AP3B2: variants seen among roughly 807,000 people sequenced by gnomAD.
AP3B2 encodes the protein adaptor related protein complex 3 subunit beta 2.
AP3B2 carries 50 observed loss-of-function variants against 126.9 expected under a neutral mutation model. The ratio of observed to expected loss-of-function variants is 0.39; its 90% CI spans 0.31 to 0.50. AP3B2 has a LOEUF of 0.50. Ranked by LOEUF, AP3B2 falls within the 20% of genes least tolerant of loss-of-function variation. AP3B2 has a pLI of 0.79. For synonymous variants in AP3B2, 541 were observed against 565.0 expected (o/e 0.96, Z 0.60); for missense variants, 1,177 against 1,426.4 (o/e 0.83, Z 2.82).
chr15:82,692,528 G>C (rs1392216910), intron 1 of AP3B2: 3 of 198,686 alleles, frequency 1.5e-5, no homozygotes, highest in Non-Finnish European at 3.0e-5. Context: ...CAAGAGGAAG[G>C]GTTTGGGGTG....
chr15:82,709,303 C>T (rs577489408), intron 1 of AP3B2, among the ~76,000 whole-genome samples: 1 of 152,310 alleles, frequency 6.6e-6, no homozygotes, highest in East Asian at 1.9e-4. Flanking sequence ...CGCCGCAAAC[C>T]GGAGAAACAC....
chr15:82,676,530 T>G lies in AP3B2; in HGVS notation c.1596A>C (p.Ala532=). 6.2e-7 allele frequency: 1 copy of G among 1,614,024 alleles called. No individual in the cohort carries two copies. The highest frequency in any genetic ancestry group is 1.1e-5 in the South Asian group (1 of 91,086). The change falls in exon 14 of 27, where the codon GCA becomes GCC. Residue 532 remains alanine, a synonymous_variant. Transcript: ENST00000535359. ...VLRKMAKSFT[A]EEDIVKLQVI... ...CCTGCAGCTTGACAATATCCTCCTCTGCTGTGAATGACTTGGCCATTTTTC... is the reference window on the plus strand; with the variant it reads ...CCTGCAGCTTGACAATATCCTCCTCGGCTGTGAATGACTTGGCCATTTTTC...
At chr15:82,672,811 C>T (rs1027839229) in intron 14 of AP3B2, among the ~76,000 whole-genome samples, 2 of 152,200 alleles carry the variant, frequency 1.3e-5, no homozygotes, top group Non-Finnish European at 2.9e-5. Flanking sequence ...GACTTTCTCC[C>T]TTGTGGCTTT....
intron 4 of AP3B2, among the ~76,000 whole-genome samples, chr15:82,682,509 T>A (rs2048356853): frequency 1.3e-5 from 2 of 152,154 alleles, no homozygotes; most frequent in Admixed American, 1.3e-4. Context: ...GTGGGTTTGA[T>A]TCTAGACCTC....
chr15:82,659,744 G>T (rs374163797), intron 26 of AP3B2, 34 bp from the exon 27 acceptor site: 2 of 1,611,722 alleles, frequency 1.2e-6, no homozygotes, highest in African/African-American at 2.7e-5. Flanking sequence ...AGGAAGAGCT[G>T]CTAAGGGTGA....
At chr15:82,699,294 G>A in intron 1 of AP3B2, 1 of 186,466 alleles carries the variant, frequency 5.4e-6, no homozygotes, top group Non-Finnish European at 1.1e-5. Context: ...GCCAAACCCT[G>A]TCTGTGCTGT....
At chr15:82,661,513 A>G (rs1324335326) in intron 25 of AP3B2, among the ~76,000 whole-genome samples, 1 of 152,206 alleles carries the variant, frequency 6.6e-6, no homozygotes, top group African/African-American at 2.4e-5. Context: ...TTCATGACAC[A>G]TGAAAATTAC....
In AP3B2 at chr15:82,659,942, G is replaced by T. The variant is rs1388414919; in HGVS notation, c.3058C>A (p.Leu1020Met). 1.2e-6 allele frequency: 2 copies of T among 1,613,952 alleles called. No homozygotes were observed. Among genetic ancestry groups the T allele is most frequent in the Non-Finnish European group, 1.7e-6 (2 of 1,179,880 alleles). The change falls in exon 26 of 27, where the codon CTG becomes ATG. Residue 1020 changes from leucine (L) to methionine (M), a missense_variant. Physicochemically the swap from Leu to Met is conservative, Grantham distance 15. This residue lies in a region of AP3B2 where 587 missense variants were observed against 571.3 expected (regional missense o/e 1.03). Coordinates refer to ENST00000535359, the MANE Select transcript of AP3B2 (RefSeq NM_001278512.2). ...GMNEITEKLM[L>M]PDTCRSDHIV... is the part of the protein sequence containing the mutation. ...TGGTCACTCCGACAGGTGTCTGGCA[G>T]CATGAGTTTCTCTGTGATCTCATTC...
intron 1 of AP3B2, among the ~76,000 whole-genome samples, chr15:82,701,619 TG>T (rs898950805): frequency 1.3e-5 from 2 of 152,222 alleles, no homozygotes; most frequent in Non-Finnish European, 2.9e-5. Context: ...TGAAGGGTCA[TG>T]ATCTCTGCAA....
chr15:82,686,806 C>T (rs2048434613), intron 4 of AP3B2: 1 of 151,772 alleles, frequency 6.6e-6, no homozygotes, highest in Non-Finnish European at 1.5e-5. Flanking sequence ...ATTGCAACCT[C>T]TGCCTCCCGG....
At chr15:82,669,078 T>G (rs2151432757) in intron 14 of AP3B2, among the ~76,000 whole-genome samples, 1 of 152,306 alleles carries the variant, frequency 6.6e-6, no homozygotes, top group Middle Eastern at 3.4e-3. Flanking sequence ...CCTCCTGGTG[T>G]TCATGCCTTT....
chr15:82,687,221 T>C (rs1464106105), intron 4 of AP3B2: 2 of 152,242 alleles, frequency 1.3e-5, no homozygotes, highest in African/African-American at 4.8e-5. Flanking sequence ...AAAATCTGTC[T>C]ATTGCCTGTT....
At chr15:82,676,770 TG>T in intron 13 of AP3B2, 133 bp from the exon 14 acceptor site, 1 of 871,120 alleles carries the variant, frequency 1.1e-6, no homozygotes, top group Non-Finnish European at 1.7e-6. Context: ...AAATGGGAGT[TG>T]GGGGTGGTGA....
At chr15:82,679,937 C>T (rs748401949) in intron 9 of AP3B2, 137 bp from the exon 10 acceptor site, 5 of 934,258 alleles carry the variant, frequency 5.4e-6, no homozygotes, top group Non-Finnish European at 8.3e-6. Flanking sequence ...TCAAGTCTTC[C>T]CTCGTCCATC....
Position 82,664,514 on chromosome 15 carries a change from T to G in AP3B2, c.2138-24A>C, listed in dbSNP as rs369008317. 2 of 1,603,902 alleles carry G rather than the reference T, an allele frequency of 1.2e-6. No homozygotes were observed. Among genetic ancestry groups the G allele is most frequent in the Non-Finnish European group, 8.5e-7 (1 of 1,175,340 alleles). The stretch of plus-strand genomic sequence containing the variant: ...GTCTGTGGAGGAACAATATGAGGCC[T>G]CCTCCCTCATATGCAGGCCTCCTTG... On this transcript the variant is annotated intron_variant, in intron 18 of 26. Coordinates refer to ENST00000535359, the MANE Select transcript of AP3B2 (RefSeq NM_001278512.2). The surrounding 1 kb of genome is among the most constrained non-coding windows in gnomAD (Gnocchi z 4.5).
chr15:82,678,000 A>G, intron 11 of AP3B2, 105 bp downstream of exon 11: 2 of 1,424,114 alleles, frequency 1.4e-6, no homozygotes, highest in Non-Finnish European at 1.9e-6. Flanking sequence ...ATGTAAGATA[A>G]TAGTTTCTCC....
chr15:82,691,948 C>T, intron 1 of AP3B2: 3 of 1,390,238 alleles, frequency 2.2e-6, no homozygotes, highest in East Asian at 2.3e-5. Context: ...CAACCATCCC[C>T]ACACCGTCCT....
intron 1 of AP3B2, among the ~76,000 whole-genome samples, chr15:82,697,398 A>C (rs924214525): frequency 2.6e-5 from 4 of 152,236 alleles, no homozygotes; most frequent in African/African-American, 7.2e-5. Flanking sequence ...AACATTTAGA[A>C]ATGACAGAAA....
At chr15:82,666,651 G>A (rs1357701624) in intron 15 of AP3B2, 96 bp downstream of exon 15, 4 of 1,371,278 alleles carry the variant, frequency 2.9e-6, no homozygotes, top group Non-Finnish European at 3.9e-6. Flanking sequence ...CAGAAGCCTG[G>A]TGCCTGGCTA....
Sources: allele counts gnomAD v4.1 joint callset (sites outside exome capture counted in the v4.1 genomes callset), GRCh38; gene constraint gnomAD v4.1.1; regional missense constraint gnomAD v4.1.1; non-coding constraint Gnocchi (gnomAD v3.1); transcripts MANE v1.5; gene names NCBI Gene and HGNC (gene_info 2026-07-23, HGNC 2026-07-21).